Variants in ARFGEF1 observed in about 807,000 individuals in gnomAD.
ARFGEF1 encodes ARF guanine nucleotide exchange factor 1, also known as brefeldin A-inhibited guanine nucleotide-exchange protein 1.
Under a neutral mutation model 231.0 loss-of-function variants are expected in ARFGEF1, and 42 were observed. The observed-to-expected ratio is 0.18, with a 90% confidence interval of 0.14 to 0.24. The LOEUF (loss-of-function observed/expected upper bound fraction) is 0.24, where lower values mean the gene tolerates loss of function less well. ARFGEF1 is among the 10% of genes least tolerant of loss of function. The pLI is 1.00. For missense variants in ARFGEF1, 1,345 were observed against 2,192.0 expected (o/e 0.61, Z 7.72); for synonymous variants, 710 against 732.3 (o/e 0.97, Z 0.49).
chr8:67,323,866 T>C (rs1216719057), intron 1 of ARFGEF1, among the ~76,000 whole-genome samples: 1 of 151,940 alleles, frequency 6.6e-6, no homozygotes, highest in East Asian at 1.9e-4. Flanking sequence ...AGTGGTGCCA[T>C]CACCGCTTAC....
chr8:67,296,753 TG>T (rs1806253600), intron 4 of ARFGEF1, 143 bp from the exon 5 acceptor site: 2 of 606,888 alleles, frequency 3.3e-6, no homozygotes, highest in Admixed American at 6.2e-5. Flanking sequence ...TGGACTTAAG[TG>T]ATCCTCTCGC....
At chr8:67,320,250 A>G (rs7000949) in intron 1 of ARFGEF1, among the ~76,000 whole-genome samples, 2 of 136,712 alleles carry the variant, frequency 1.5e-5, no homozygotes, top group Admixed American at 7.6e-5. Flanking sequence ...AAAAAAAAAA[A>G]GTGCTCAACA....
intron 14 of ARFGEF1, among the ~76,000 whole-genome samples, chr8:67,261,879 C>G (rs911549460): frequency 5.2e-4 from 78 of 148,938 alleles, no homozygotes; most frequent in African/African-American, 1.9e-3. Flanking sequence ...GCTACATTGC[C>G]GACGCTGATC....
chr8:67,343,756 C>T lies in ARFGEF1; in HGVS notation c.-469G>A. Reference sequence around the variant, plus strand: ...ACTGGCCCCCATCACCGCCGACCTGCCCCGGCCGCCATGTTGGGAGGAAAC... The same window carrying T: ...ACTGGCCCCCATCACCGCCGACCTGTCCCGGCCGCCATGTTGGGAGGAAAC... On this transcript the variant is annotated 5_prime_UTR_variant, in exon 1 of 39. Transcript: ENST00000262215. The T allele has an allele frequency of 3.8e-6, 1 of 263,286 alleles. No homozygotes were observed. Among genetic ancestry groups the T allele is most frequent in the Non-Finnish European group, 5.9e-6 (1 of 168,222 alleles). 16.3% of individuals were successfully genotyped at this position (263,286 alleles called of 1,614,324 possible). A position where few individuals can be genotyped will look rare whatever the true frequency, so the allele number is the denominator to read the frequency against.
intron 4 of ARFGEF1, among the ~76,000 whole-genome samples, chr8:67,297,296 C>T (rs1806278478): frequency 6.6e-6 from 1 of 152,200 alleles, no homozygotes; most frequent in African/African-American, 2.4e-5. Flanking sequence ...GGAAGATACA[C>T]ACTGTGTCTT....
chr8:67,178,584 T>G (rs1411028649), intron 5 of ARFGEF1, among the ~76,000 whole-genome samples: 1 of 151,776 alleles, frequency 6.6e-6, no homozygotes, highest in Non-Finnish European at 1.5e-5. Flanking sequence ...GGATCCTGGG[T>G]GGGAGGGTTT....
intron 1 of ARFGEF1, among the ~76,000 whole-genome samples, chr8:67,339,460 A>G (rs1209226173): frequency 6.6e-6 from 1 of 152,128 alleles, no homozygotes; most frequent in Non-Finnish European, 1.5e-5. Flanking sequence ...CTAACATAAA[A>G]GAAACTCCTG....
At chr8:67,232,782 T>C (rs1342460779) in intron 23 of ARFGEF1, 73 bp downstream of exon 23, 55 of 1,203,782 alleles carry the variant, frequency 4.6e-5, no homozygotes, top group Non-Finnish European at 5.9e-5. Context: ...AATATTTTTC[T>C]TTTTACCAAC....
rs1218628758 is a variant in ARFGEF1 at position 67,338,440 on chromosome 8, G to A, written c.124+4724C>T. On this transcript the variant is annotated intron_variant, in intron 1 of 38. Coordinates refer to ENST00000262215, the MANE Select transcript of ARFGEF1 (RefSeq NM_006421.5). ...AAAAAGGATCACATAAATTCAGGAA[G>A]AACTTCATTAAACAAAATTGAGCAG... Among the ~76,000 whole-genome samples, 3 of 152,174 alleles carry A rather than the reference G, an allele frequency of 2.0e-5. No homozygotes were observed. The East Asian group carries it at 5.8e-4, about 29-fold the overall frequency.
At chr8:67,209,084 C>T (rs1307406185) in intron 34 of ARFGEF1, among the ~76,000 whole-genome samples, 1 of 152,176 alleles carries the variant, frequency 6.6e-6, no homozygotes, top group Non-Finnish European at 1.5e-5. Context: ...AATTCCACTC[C>T]TAGGTAGATA....
At chr8:67,230,753 G>T (rs754478923) in intron 23 of ARFGEF1, among the ~76,000 whole-genome samples, 1 of 152,004 alleles carries the variant, frequency 6.6e-6, no homozygotes, top group Non-Finnish European at 1.5e-5. Context: ...GCATAGTTTA[G>T]TAATATTCAT....
At chr8:67,177,559 G>A in intron 5 of ARFGEF1, 2 of 646,684 alleles carry the variant, frequency 3.1e-6, no homozygotes, top group Non-Finnish European at 2.8e-6. Flanking sequence ...ATACTCTGAA[G>A]TGTGATAGTT....
At position 67,203,227 on chromosome 8, in the gene ARFGEF1, G is replaced by A. The variant is rs146795624; in HGVS notation, c.4984C>T (p.Arg1662Cys). ...ATTCCTTGGTCTTGAGTATCAACGC[G>A]AACATCAAAGTCCACCGCATCTCTC... is the stretch of plus-strand genomic sequence containing the variant. ...AQRDAVDFDV[R>C]VDTQDQGMYR... The change falls in exon 36 of 39, where the codon CGC (arginine) becomes TGC (cysteine). Residue 1662 changes from arginine (R) to cysteine (C), a missense_variant. Coordinates refer to ENST00000262215, the MANE Select transcript of ARFGEF1 (RefSeq NM_006421.5). The A allele has an allele frequency of 2.4e-3, 3,880 of 1,614,024 alleles. 6 individuals carry two copies. Among genetic ancestry groups the A allele is most frequent in the Non-Finnish European group, 2.8e-3 (3,356 of 1,179,972 alleles).
intron 4 of ARFGEF1, among the ~76,000 whole-genome samples, chr8:67,297,959 C>T (rs1407533438): frequency 6.6e-6 from 1 of 152,020 alleles, no homozygotes; most frequent in Non-Finnish European, 1.5e-5. Context: ...CACATCACCA[C>T]ATCTGGCTAA....
chr8:67,287,908 T>A (rs766770181), intron 7 of ARFGEF1, 47 bp downstream of exon 7: 3 of 1,313,842 alleles, frequency 2.3e-6, no homozygotes, highest in Non-Finnish European at 2.0e-6. Context: ...CACAGTCAGA[T>A]GAAATCCCAT....
intron 19 of ARFGEF1, among the ~76,000 whole-genome samples, chr8:67,240,591 G>A (rs867005860): frequency 3.9e-5 from 6 of 151,982 alleles, no homozygotes; most frequent in African/African-American, 7.2e-5. Flanking sequence ...AGTTTTACCC[G>A]ACTTCAGAAC....
At position 67,276,168 on chromosome 8, in the gene ARFGEF1, C is replaced by T. The variant is rs920535175; in HGVS notation, c.1204-59G>A. 6.4e-6 allele frequency: 10 copies of T among 1,568,400 alleles called. No individual in the cohort carries two copies. The African/African-American group carries it at 1.4e-4, about 21-fold the overall frequency. ...GATATTTGCCAGTGTAAAATCGCTT[C>T]AGCCTTCTACTGTATTTCATTCAAT... is the stretch of plus-strand genomic sequence containing the variant. On this transcript the variant is annotated intron_variant, in intron 8 of 38. Coordinates refer to ENST00000262215, the MANE Select transcript of ARFGEF1 (RefSeq NM_006421.5).
intron 9 of ARFGEF1, among the ~76,000 whole-genome samples, chr8:67,274,083 C>T (rs1201878680): frequency 6.6e-6 from 1 of 152,010 alleles, no homozygotes; most frequent in South Asian, 2.1e-4. Flanking sequence ...CTACTGTGTA[C>T]AAGGCAATAA....
chr8:67,178,386 T>C (rs751959831), intron 5 of ARFGEF1, among the ~76,000 whole-genome samples: 2 of 152,198 alleles, frequency 1.3e-5, no homozygotes, highest in Non-Finnish European at 2.9e-5. Context: ...AATCAACAAA[T>C]ATTTATTATT....
Sources: allele counts gnomAD v4.1 joint callset (sites outside exome capture counted in the v4.1 genomes callset), GRCh38; gene constraint gnomAD v4.1.1; transcripts MANE v1.5; gene names NCBI Gene and HGNC (gene_info 2026-07-23, HGNC 2026-07-21).